The following NECAP1 variants were observed in gnomAD, a reference collection of about 807,000 sequenced individuals.
NECAP1 encodes adaptin ear-binding coat-associated protein 1.
Under a neutral mutation model 33.4 loss-of-function variants are expected in NECAP1, and 13 were observed. The ratio of observed to expected loss-of-function variants is 0.39; its 90% CI spans 0.25 to 0.62. The LOEUF is 0.62. Among genes scored for constraint, NECAP1 ranks in the 20% least tolerant of loss-of-function variants. The probability of loss-of-function intolerance (pLI) is 0.52; values close to 1 mark genes in which losing one functional copy is unlikely to be tolerated. For missense variants in NECAP1, 272 were observed against 347.4 expected, an observed-to-expected ratio of 0.78 and a Z score of 1.73; for synonymous variants, 109 against 125.2, an observed-to-expected ratio of 0.87 and a Z score of 0.86.
intron 1 of NECAP1, among the ~76,000 whole-genome samples, chr12:8,084,361 C>T (rs796875730): frequency 5.3e-5 from 8 of 152,228 alleles, no homozygotes; most frequent in South Asian, 2.1e-4. Flanking sequence ...TAAACATCAC[C>T]TTCTTTGGGA....
intron 2 of NECAP1, 56 bp downstream of exon 2, chr12:8,090,092 T>G (rs1298566935): frequency 5.7e-6 from 9 of 1,581,474 alleles, no homozygotes; most frequent in Non-Finnish European, 7.8e-6. Flanking sequence ...TGTGCTTTTA[T>G]AAGTACCTTC....
chr12:8,093,292 T>C, intron 6 of NECAP1: 1 of 504,784 alleles, frequency 2.0e-6, no homozygotes, highest in Non-Finnish European at 3.4e-6. Flanking sequence ...CTTCATTTTT[T>C]TCTTGGTTAG....
chr12:8,095,558 T>G (rs1390181680), intron 6 of NECAP1, 43 bp from the exon 7 acceptor site: 1 of 1,530,162 alleles, frequency 6.5e-7, no homozygotes, highest in Non-Finnish European at 9.0e-7. Flanking sequence ...CTTCCAAGAT[T>G]TTGATTATGT....
chr12:8,082,772 T>TCTCTCTCA (rs1947452664), intron 1 of NECAP1: 4 of 114,446 alleles, frequency 3.5e-5, no homozygotes, highest in Non-Finnish European at 7.0e-5. Context: ...TCTCTCTCTC[T>TCTCTCTCA]CTCACACACA....
At chr12:8,085,303 C>G (rs1006425000) in intron 1 of NECAP1, among the ~76,000 whole-genome samples, 6 of 151,404 alleles carry the variant, frequency 4.0e-5, no homozygotes, top group Admixed American at 1.3e-4. Context: ...CAGGCGTGAG[C>G]CACCGCACCC....
rs776747860 is a variant in NECAP1, at chr12:8,082,285, C to T, written c.-4C>T. On this transcript the variant is annotated 5_prime_UTR_variant, in exon 1 of 8. Coordinates refer to ENST00000339754, the MANE Select transcript of NECAP1 (RefSeq NM_015509.4). ...CCCCCGGCAGCGCCGACAGCGGACC[C>T]AAGATGGCGACCGAGTTGGAGTACG... The T allele has an allele frequency of 2.5e-6, 4 of 1,588,644 alleles. No homozygotes were observed. The highest frequency in any genetic ancestry group is 3.4e-5 in the Admixed American group (2 of 59,650).
Position 8,085,714 on chromosome 12 carries a change from T to C in NECAP1, c.95+3331T>C, listed in dbSNP as rs541353930. On this transcript the variant is annotated intron_variant, in intron 1 of 7. Coordinates refer to ENST00000339754, the MANE Select transcript of NECAP1 (RefSeq NM_015509.4). ...TTTTTTTTTTTTTTTTTTTTTTTTT[T>C]TGTTGTTGAGACAGAGTCTCGCTCT... is the stretch of plus-strand genomic sequence containing the variant. 9.5e-5 allele frequency among the ~76,000 whole-genome samples: 8 copies of C among 84,148 alleles called. No homozygotes were observed. The South Asian group carries it at 3.1e-3, about 33-fold the overall frequency. The allele number at this position is 84,148 out of a possible 152,430, so 55.2% of individuals were successfully genotyped here.
At position 8,097,607 on chromosome 12, in the gene NECAP1, G is replaced by A. The variant is rs1044598536; in HGVS notation, c.*1517G>A. The A allele has an allele frequency of 1.3e-5, 2 of 152,508 alleles. No homozygotes were observed. Among genetic ancestry groups the A allele is most frequent in the Admixed American group, 6.6e-5 (1 of 15,266 alleles). 9.4% of individuals were successfully genotyped at this position (152,508 alleles called of 1,614,324 possible). ...GGAATCACTAGTGACTAAATACTGG[G>A]AACCTATTTTCTCAATCTTCCTCCA... On this transcript the variant is annotated 3_prime_UTR_variant, in exon 8 of 8. Coordinates refer to ENST00000339754, the MANE Select transcript of NECAP1 (RefSeq NM_015509.4).
chr12:8,092,978 C>T lies in NECAP1; in HGVS notation c.599C>T (p.Pro200Leu), dbSNP rs770420122. The stretch of plus-strand genomic sequence containing the variant: ...GGAGGCAAAGTCACTATTCCCCCAC[C>T]ATCCTCCTCAGTTGCCATCAGCAAT... ...PPGGKVTIPP[P>L]SSSVAISNHV... The change falls in exon 6 of 8, where the codon CCA (proline) becomes CTA (leucine). Residue 200 changes from proline to leucine, a missense_variant. By Grantham distance (98) the Pro-to-Leu change is moderately conservative. Transcript: ENST00000339754. 1.2e-6 allele frequency: 2 copies of T among 1,613,042 alleles called. No individual in the cohort carries two copies. The highest frequency in any genetic ancestry group is 2.7e-5 in the African/African-American group (2 of 74,902).
rs761008417 is a variant in NECAP1 at position 8,091,753 on chromosome 12, C to G, written c.302-16C>G. On this transcript the variant is annotated splice_polypyrimidine_tract_variant and intron_variant, in intron 3 of 7. Transcript: ENST00000339754. Reference sequence around the variant, plus strand: ...AGAGGATACTTCCTAGTCGAGTCTTCCTACGTTTTCCACAGGGCGCAGTGC... The same window carrying G: ...AGAGGATACTTCCTAGTCGAGTCTTGCTACGTTTTCCACAGGGCGCAGTGC... 3.7e-6 allele frequency: 6 copies of G among 1,613,296 alleles called. No individual in the cohort carries two copies. Among genetic ancestry groups the G allele is most frequent in the Non-Finnish European group, 5.1e-6 (6 of 1,179,606 alleles).
rs748163611 is a variant in NECAP1, at chr12:8,082,386, A to G, written c.95+3A>G. The G allele has an allele frequency of 2.5e-6, 4 of 1,612,942 alleles. No individual in the cohort carries two copies. Among genetic ancestry groups the G allele is most frequent in the Non-Finnish European group, 1.7e-6 (2 of 1,179,204 alleles). On this transcript the variant is annotated splice_donor_region_variant and intron_variant, in intron 1 of 7. Transcript: ENST00000339754. ...CGGGCCTCCAACCGCGGTTACAGGT[A>G]CTAACCCCGAGGCGCTGCCGCACAC...
At chr12:8,082,755 C>CG in intron 1 of NECAP1, 1 of 123,458 alleles carries the variant, frequency 8.1e-6, no homozygotes, top group Admixed American at 1.1e-4. Context: ...CATCCTCATC[C>CG]TTTCTCTCTC....
At chr12:8,085,320 C>T (rs1947478177) in intron 1 of NECAP1, among the ~76,000 whole-genome samples, 1 of 152,062 alleles carries the variant, frequency 6.6e-6, no homozygotes, top group African/African-American at 2.4e-5. Flanking sequence ...ACCCGGCCTA[C>T]TTCAAGCTTT....
intron 1 of NECAP1, among the ~76,000 whole-genome samples, chr12:8,087,463 A>G (rs928451340): frequency 5.3e-5 from 8 of 151,170 alleles, no homozygotes; most frequent in Non-Finnish European, 1.2e-4. Context: ...CGGACACTAG[A>G]TACACAAGAG....
At chr12:8,091,438 A>G (rs1947543038) in intron 3 of NECAP1, 1 of 309,886 alleles carries the variant, frequency 3.2e-6, no homozygotes, top group Admixed American at 4.6e-5. Context: ...TCCTGCAACT[A>G]GACGGGGGTG....
At chr12:8,085,134 C>T (rs11057150) in intron 1 of NECAP1, among the ~76,000 whole-genome samples, 63,692 of 151,976 alleles carry the variant, frequency 0.42, 13,672 homozygotes, top group East Asian at 0.57. Context: ...ATTTTCCTGC[C>T]TCAGCCTCCC....
chr12:8,085,349 C>T (rs947243968), intron 1 of NECAP1, among the ~76,000 whole-genome samples: 1 of 152,122 alleles, frequency 6.6e-6, no homozygotes, highest in Non-Finnish European at 1.5e-5. Flanking sequence ...CCTCCCCTCT[C>T]ACCCATCTTC....
At chr12:8,090,436 T>C in intron 3 of NECAP1, 137 bp downstream of exon 3, 1 of 721,498 alleles carries the variant, frequency 1.4e-6, no homozygotes, top group South Asian at 1.8e-5. Context: ...GTTGCTCTAG[T>C]TGCTAAAGGA....
chr12:8,097,571 G>A lies in NECAP1; in HGVS notation c.*1481G>A, dbSNP rs1446698756. ...AAAATTCCAATAGAAAACACTAAAA[G>A]GAAAGTCTGTGGAATCACTAGTGAC... is the stretch of plus-strand genomic sequence containing the variant. On this transcript the variant is annotated 3_prime_UTR_variant, in exon 8 of 8. Transcript: ENST00000339754. 2 of 152,576 alleles carry A rather than the reference G, an allele frequency of 1.3e-5. No individual in the cohort carries two copies. Among genetic ancestry groups the A allele is most frequent in the Middle Eastern group, 3.2e-3 (1 of 316 alleles). 9.5% of individuals were successfully genotyped at this position (152,576 alleles called of 1,614,324 possible). A position where few individuals can be genotyped will look rare whatever the true frequency, so the allele number is the denominator to read the frequency against.
Sources: gnomAD v4.1 joint callset for allele counts (sites outside exome capture counted in the v4.1 genomes callset) on GRCh38, gnomAD v4.1.1 for gene constraint, MANE v1.5 for transcripts, NCBI Gene and HGNC (gene_info 2026-07-23, HGNC 2026-07-21) for gene names.